The following AGBL4 variants were observed in gnomAD, a reference collection of about 807,000 sequenced individuals.
AGBL4 encodes cytosolic carboxypeptidase 6.
In AGBL4, 58 loss-of-function variants were observed where a neutral mutation model predicts 66.4. That is an observed-to-expected ratio of 0.87 (90% confidence interval 0.71 to 1.09). The LOEUF (loss-of-function observed/expected upper bound fraction) is 1.09. AGBL4 is among the 50% of genes least tolerant of loss of function. The pLI is 0.00. For missense variants in AGBL4, 579 were observed against 631.0 expected (o/e 0.92, Z 0.88); for synonymous variants, 234 against 222.9 (o/e 1.05, Z -0.44).
intron 7 of AGBL4, among the ~76,000 whole-genome samples, chr1:48,662,315 T>C (rs1646119955): frequency 6.6e-6 from 1 of 152,180 alleles, no homozygotes; most frequent in Admixed American, 6.5e-5. Context: ...ATTTTACATT[T>C]GAGGCAACTG....
At chr1:49,521,976 G>T (rs1650300637) in intron 3 of AGBL4, among the ~76,000 whole-genome samples, 1 of 151,908 alleles carries the variant, frequency 6.6e-6, no homozygotes, top group African/African-American at 2.4e-5. Flanking sequence ...TCACTACCTG[G>T]GTGATGGGAT....
At chr1:49,532,246 T>G (rs989161072) in intron 3 of AGBL4, among the ~76,000 whole-genome samples, 1 of 152,106 alleles carries the variant, frequency 6.6e-6, no homozygotes, top group Admixed American at 6.5e-5. Context: ...CCTAAAACAA[T>G]TCCTGAAATA....
At position 49,878,578 on chromosome 1, in the gene AGBL4, A is replaced by G. The variant is rs537036706; in HGVS notation, c.35-27060T>C. 1.8e-4 allele frequency among the ~76,000 whole-genome samples: 27 copies of G among 152,228 alleles called. No homozygotes were observed. The South Asian group carries it at 5.0e-3, about 28-fold the overall frequency. ...ATTTGCTGAGGAGTGCTTTACCTCC[A>G]ACTATGTGGTCAATTTTGGAATAGG... On this transcript the variant is annotated intron_variant, in intron 1 of 13. Coordinates refer to ENST00000371839, the MANE Select transcript of AGBL4 (RefSeq NM_032785.4).
At position 49,555,132 on chromosome 1, in the gene AGBL4, C is replaced by T. The variant is rs533112770; in HGVS notation, c.282+142181G>A. Among the ~76,000 whole-genome samples the T allele has an allele frequency of 7.9e-5, 12 of 152,282 alleles. No homozygotes were observed. The South Asian group carries it at 2.5e-3, about 32-fold the overall frequency. ...CCCACTCACATCCCGCTGATTGGTC[C>T]ATTTTACAGAGAGCTGATTGGCCCA... On this transcript the variant is annotated intron_variant, in intron 3 of 13. Transcript: ENST00000371839.
intron 9 of AGBL4, among the ~76,000 whole-genome samples, chr1:48,614,596 C>A (rs1645289394): frequency 6.6e-6 from 1 of 152,210 alleles, no homozygotes; most frequent in Non-Finnish European, 1.5e-5. Flanking sequence ...AAGATGTGGG[C>A]AAATATGCCC....
intron 6 of AGBL4, among the ~76,000 whole-genome samples, chr1:48,737,432 G>C (rs890359956): frequency 1.3e-5 from 2 of 152,168 alleles, no homozygotes; most frequent in Non-Finnish European, 2.9e-5. Flanking sequence ...CAAGTAAGGA[G>C]AGCAGCTGCC....
intron 5 of AGBL4, among the ~76,000 whole-genome samples, chr1:48,969,361 C>T (rs561909228): frequency 1.3e-5 from 2 of 152,114 alleles, no homozygotes; most frequent in Non-Finnish European, 2.9e-5. Context: ...TTGCAGTCTC[C>T]TTTTTCAAAG....
At chr1:49,580,075 C>CT (rs35407935) in intron 3 of AGBL4, among the ~76,000 whole-genome samples, 4 of 151,790 alleles carry the variant, frequency 2.6e-5, no homozygotes, top group African/African-American at 7.3e-5. Flanking sequence ...CCTTCTTTGT[C>CT]TTTTTTTTAA....
intron 5 of AGBL4, among the ~76,000 whole-genome samples, chr1:49,022,361 C>T (rs367873678): frequency 2.7e-4 from 41 of 151,750 alleles, no homozygotes; most frequent in South Asian, 1.5e-3. Context: ...AATAATATCT[C>T]GGTGGGAAGG....
At chr1:49,224,859 C>T (rs1649785607) in intron 4 of AGBL4, among the ~76,000 whole-genome samples, 1 of 152,130 alleles carries the variant, frequency 6.6e-6, no homozygotes, top group Admixed American at 6.6e-5. Context: ...GATAAGTTGA[C>T]AGTAAATTGT....
intron 5 of AGBL4, among the ~76,000 whole-genome samples, chr1:48,971,364 C>T (rs1404920076): frequency 1.3e-5 from 2 of 152,054 alleles, no homozygotes; most frequent in African/African-American, 2.4e-5. Flanking sequence ...CTGAAACCAT[C>T]TCCCCCTCCA....
chr1:50,006,724 C>A (rs1557655820), intron 1 of AGBL4, among the ~76,000 whole-genome samples: 1 of 150,968 alleles, frequency 6.6e-6, no homozygotes, highest in Non-Finnish European at 1.5e-5. Context: ...GAGTATCCAG[C>A]TAAAATATCC....
At chr1:49,280,103 T>C (rs1644245341) in intron 3 of AGBL4, among the ~76,000 whole-genome samples, 1 of 152,116 alleles carries the variant, frequency 6.6e-6, no homozygotes, top group Admixed American at 6.5e-5. Context: ...ATGGCTCCAC[T>C]TGGACCTGCC....
At chr1:49,848,935 G>A (rs893362017) in intron 2 of AGBL4, among the ~76,000 whole-genome samples, 1 of 152,136 alleles carries the variant, frequency 6.6e-6, no homozygotes. Flanking sequence ...AAGAAGCAAG[G>A]ATCTATGTGA....
chr1:48,783,860 C>T (rs1387252154), intron 6 of AGBL4, among the ~76,000 whole-genome samples: 1 of 152,070 alleles, frequency 6.6e-6, no homozygotes, highest in Non-Finnish European at 1.5e-5. Context: ...ACATGCCAAG[C>T]ACACAGGAAA....
intron 6 of AGBL4, among the ~76,000 whole-genome samples, chr1:48,843,280 T>C (rs1243905767): frequency 6.6e-6 from 1 of 152,206 alleles, no homozygotes; most frequent in African/African-American, 2.4e-5. Context: ...TATTGAACTA[T>C]GTGTGACTTA....
chr1:48,948,756 C>A (rs1334169254), intron 5 of AGBL4, among the ~76,000 whole-genome samples: 3 of 152,130 alleles, frequency 2.0e-5, no homozygotes, highest in Non-Finnish European at 2.9e-5. Flanking sequence ...AATGAAAATT[C>A]TTTGACACTT....
chr1:48,861,437 A>C (rs1014033088), intron 6 of AGBL4, among the ~76,000 whole-genome samples: 8 of 152,224 alleles, frequency 5.3e-5, no homozygotes, highest in African/African-American at 1.9e-4. Flanking sequence ...ATAAATAAAA[A>C]TAAATTCACA....
chr1:49,538,121 A>C (rs1042231392), intron 3 of AGBL4, among the ~76,000 whole-genome samples: 2 of 152,216 alleles, frequency 1.3e-5, no homozygotes, highest in East Asian at 1.9e-4. Flanking sequence ...AAAAGAAATC[A>C]ATAAGTCAAA....
Sources: gnomAD v4.1 joint callset for allele counts (sites outside exome capture counted in the v4.1 genomes callset) on GRCh38, gnomAD v4.1.1 for gene constraint, MANE v1.5 for transcripts, NCBI Gene and HGNC (gene_info 2026-07-23, HGNC 2026-07-21) for gene names.